MAP4: variants seen among roughly 807,000 people sequenced by gnomAD.
MAP4 encodes the protein microtubule associated protein 4, also known as microtubule-associated protein 4.
Under a neutral mutation model 170.2 loss-of-function variants are expected in MAP4, and 76 were observed. The observed-to-expected ratio is 0.45, with a 90% confidence interval of 0.37 to 0.54. MAP4 has a LOEUF of 0.54. Ranked by LOEUF, MAP4 falls within the 20% of genes least tolerant of loss-of-function variation. The pLI is 0.00. For synonymous variants in MAP4, 909 were observed against 994.5 expected (o/e 0.91, Z 1.62); for missense variants, 2,506 against 2,748.0 (o/e 0.91, Z 1.97).
Position 47,855,115 on chromosome 3 carries a change from A to G in MAP4, c.6696+133T>C. Reference sequence around the variant, plus strand: ...GATGATACACGGTGGGAAAACGGCAATGGTGTGGGTGAAGACATGACTCCT... The same window carrying G: ...GATGATACACGGTGGGAAAACGGCAGTGGTGTGGGTGAAGACATGACTCCT... On this transcript the variant is annotated intron_variant, in intron 19 of 20. Coordinates refer to ENST00000683076, the MANE Select transcript of MAP4 (RefSeq NM_001385682.1). The surrounding 1 kb of genome is among the most constrained non-coding windows in gnomAD (Gnocchi z 5.1). 1 of 652,184 alleles carries G rather than the reference A, an allele frequency of 1.5e-6. No individual in the cohort carries two copies. Among genetic ancestry groups the G allele is most frequent in the Non-Finnish European group, 2.8e-6 (1 of 358,454 alleles). 40.4% of individuals were successfully genotyped at this position (652,184 alleles called of 1,614,324 possible).
At chr3:47,945,016 A>G (rs966423572) in intron 3 of MAP4, among the ~76,000 whole-genome samples, 1 of 151,510 alleles carries the variant, frequency 6.6e-6, no homozygotes, top group Non-Finnish European at 1.5e-5. Context: ...TGCTTCCAAA[A>G]AACACCTAGG....
At chr3:48,020,536 C>T (rs1405284337), upstream of MAP4, among the ~76,000 whole-genome samples, 1 of 152,002 alleles carries the variant, frequency 6.6e-6, no homozygotes, top group Non-Finnish European at 1.5e-5. Flanking sequence ...ATTTTGTAGT[C>T]GTGGCAAAGG....
intron 3 of MAP4, among the ~76,000 whole-genome samples, chr3:47,972,541 ACTT>A (rs1486616203): frequency 6.6e-6 from 1 of 152,228 alleles, no homozygotes; most frequent in Non-Finnish European, 1.5e-5. Context: ...AGTCATTTGA[ACTT>A]CTTAACTTTT....
At chr3:48,004,966 C>G (rs946403262) in intron 1 of MAP4, among the ~76,000 whole-genome samples, 1 of 152,142 alleles carries the variant, frequency 6.6e-6, no homozygotes, top group Admixed American at 6.6e-5. Flanking sequence ...TTAGAAGGTA[C>G]CTGCAACACC....
intron 3 of MAP4, among the ~76,000 whole-genome samples, chr3:47,950,074 C>T (rs1265586081): frequency 6.6e-6 from 1 of 152,192 alleles, no homozygotes; most frequent in Non-Finnish European, 1.5e-5. Flanking sequence ...GCTTTACCTC[C>T]TCAAAAGGTC....
At chr3:47,864,189 G>A (rs1207371557) in intron 17 of MAP4, among the ~76,000 whole-genome samples, 1 of 152,022 alleles carries the variant, frequency 6.6e-6, no homozygotes, top group African/African-American at 2.4e-5. Context: ...GGCTGGTTTC[G>A]AAGCAATCCT....
chr3:47,948,779 C>T (rs1188147303), intron 3 of MAP4, among the ~76,000 whole-genome samples: 1 of 151,992 alleles, frequency 6.6e-6, no homozygotes, highest in African/African-American at 2.4e-5. Context: ...CGCCACCATA[C>T]CCAACTAATT....
intron 1 of MAP4, among the ~76,000 whole-genome samples, chr3:48,044,654 T>C (rs2154541036): frequency 6.6e-6 from 1 of 152,076 alleles, no homozygotes; most frequent in South Asian, 2.1e-4. Flanking sequence ...TCCCAGCTAC[T>C]TGGGAGGCTG....
In MAP4 at chr3:47,965,005, C is replaced by T. The variant is rs534612559; in HGVS notation, c.292+12860G>A. On this transcript the variant is annotated intron_variant, in intron 3 of 20. Coordinates refer to ENST00000683076, the MANE Select transcript of MAP4 (RefSeq NM_001385682.1). ...TTTGTACCCATTAAGCAACACCAAA[C>T]ACATCCATTCCCCGCCTCTCCCAGC... 2.0e-5 allele frequency among the ~76,000 whole-genome samples: 3 copies of T among 152,280 alleles called. 1 individual carries two copies. The East Asian group carries it at 5.8e-4, about 29-fold the overall frequency.
intron 10 of MAP4, among the ~76,000 whole-genome samples, chr3:47,902,673 CAAAAAAA>C (rs3051642): frequency 4.8e-3 from 124 of 25,760 alleles, no homozygotes; most frequent in Non-Finnish European, 6.2e-3. Context: ...GACTCTGTCT[CAAAAAAA>C]AAAAAAAAAA....
At chr3:47,963,038 T>A (rs1006971979) in intron 3 of MAP4, among the ~76,000 whole-genome samples, 1 of 152,198 alleles carries the variant, frequency 6.6e-6, no homozygotes, top group African/African-American at 2.4e-5. Context: ...AGTCCTAAGT[T>A]AATTTTTTCA....
chr3:47,969,884 C>T (rs1363306107), intron 3 of MAP4, among the ~76,000 whole-genome samples: 1 of 151,524 alleles, frequency 6.6e-6, no homozygotes, highest in East Asian at 1.9e-4. Flanking sequence ...GAGTCTTAAG[C>T]AATGAGAGAT....
Position 47,909,132 on chromosome 3 carries a change from G to A in MAP4, c.5289C>T (p.Gly1763=), listed in dbSNP as rs749029181. The change falls in exon 9 of 21, where the codon GGC becomes GGT. Residue 1763 remains glycine, a synonymous_variant. Transcript: ENST00000683076. ...CTCGGGACTTGGTGGGTCTCATGTA[G>A]CCTTTCATTGGTTCTGCCATTCTGC... is the stretch of plus-strand genomic sequence containing the variant. The part of the protein sequence containing the change: ...DKSRMAEPMK[G]YMRPTKSRGL... 100 of 1,613,836 alleles carry A rather than the reference G, an allele frequency of 6.2e-5. No homozygotes were observed. The highest frequency in any genetic ancestry group is 8.4e-5 in the Non-Finnish European group (99 of 1,179,890).
At chr3:48,006,604 G>A (rs755494386) in intron 1 of MAP4, among the ~76,000 whole-genome samples, 3 of 152,154 alleles carry the variant, frequency 2.0e-5, no homozygotes, top group Non-Finnish European at 2.9e-5. Context: ...GGTGGGAAAG[G>A]CCAAATAGAA....
chr3:48,043,927 T>A (rs1352658000), intron 1 of MAP4, among the ~76,000 whole-genome samples: 3 of 151,858 alleles, frequency 2.0e-5, no homozygotes, highest in African/African-American at 7.3e-5. Flanking sequence ...CTCACTGCAA[T>A]CTCCACTTCC....
chr3:48,021,814 C>G (rs1364429756), intron 1 of MAP4, among the ~76,000 whole-genome samples: 1 of 152,156 alleles, frequency 6.6e-6, no homozygotes, highest in East Asian at 1.9e-4. Context: ...GATATCAAAA[C>G]TTACTGATGG....
At chr3:47,919,477 T>G (rs2100041605) in intron 5 of MAP4, among the ~76,000 whole-genome samples, 1 of 151,386 alleles carries the variant, frequency 6.6e-6, no homozygotes, top group South Asian at 2.1e-4. Flanking sequence ...CTGGCTAATT[T>G]TTTTGTATTT....
intron 3 of MAP4, among the ~76,000 whole-genome samples, chr3:47,939,709 G>GTT (rs10707025): frequency 2.1e-5 from 3 of 142,798 alleles, no homozygotes. Flanking sequence ...TAAAGAAATA[G>GTT]TTTTTTTTTT....
At chr3:47,968,227 G>A (rs919553555) in intron 3 of MAP4, among the ~76,000 whole-genome samples, 3 of 152,146 alleles carry the variant, frequency 2.0e-5, no homozygotes, top group African/African-American at 7.2e-5. Context: ...GAATACCAAC[G>A]AGGAAAGAGA....
Sources: allele counts gnomAD v4.1 joint callset (sites outside exome capture counted in the v4.1 genomes callset), GRCh38; gene constraint gnomAD v4.1.1; non-coding constraint Gnocchi (gnomAD v3.1); transcripts MANE v1.5; gene names NCBI Gene and HGNC (gene_info 2026-07-23, HGNC 2026-07-21).